ERMP1: variants seen among roughly 807,000 people sequenced by gnomAD.
The protein encoded by ERMP1 is Felix-ina.
Under a neutral mutation model 92.0 loss-of-function variants are expected in ERMP1, and 86 were observed. The ratio of observed to expected loss-of-function variants is 0.93; its 90% CI spans 0.79 to 1.12. ERMP1 has a LOEUF of 1.12. Ranked by LOEUF, ERMP1 falls within the 50% of genes most tolerant of loss-of-function variation. The pLI is 0.00. For synonymous variants in ERMP1, 530 were observed against 412.8 expected (o/e 1.28, Z -3.44); for missense variants, 1,342 against 1,116.3 (o/e 1.20, Z -2.88).
intron 2 of ERMP1, among the ~76,000 whole-genome samples, chr9:5,830,148 G>T (rs188318290): frequency 6.6e-6 from 1 of 152,268 alleles, no homozygotes; most frequent in Admixed American, 6.5e-5. Flanking sequence ...GGACAGCTTT[G>T]AATGCAGCCC....
At chr9:5,833,668 T>G (rs1186072134), upstream of ERMP1, among the ~76,000 whole-genome samples, 2 of 152,242 alleles carry the variant, frequency 1.3e-5, no homozygotes, top group African/African-American at 4.8e-5. Context: ...CATCATCTTA[T>G]TTAATTATCT....
chr9:5,832,902 C>G lies in ERMP1; in HGVS notation c.126G>C (p.Gly42=). The stretch of plus-strand genomic sequence containing the variant: ...TCCGCGTCCTCCCGCCGCCGCTGCA[C>G]CCATCCACCAGAGGCTCCTGCGCTC... ...EARAQEPLVD[G]CSGGGRTRKR... Residue 42 remains glycine (G), a synonymous_variant, in exon 1 of 15, where the codon GGG becomes GGC. Transcript: ENST00000339450. 1.0e-5 allele frequency: 16 copies of G among 1,558,638 alleles called. No individual in the cohort carries two copies. The highest frequency in any genetic ancestry group is 1.4e-5 in the African/African-American group (1 of 70,820).
At chr9:5,841,902 T>C (rs1284128104) in intron 6 of ERMP1, among the ~76,000 whole-genome samples, 1 of 152,166 alleles carries the variant, frequency 6.6e-6, no homozygotes, top group Non-Finnish European at 1.5e-5. Context: ...CTCACTTGAC[T>C]TCAGGAGTGA....
intron 2 of ERMP1, among the ~76,000 whole-genome samples, chr9:5,827,814 C>CAA (rs1046747288): frequency 1.6e-5 from 2 of 121,854 alleles, no homozygotes; most frequent in South Asian, 2.5e-4. Flanking sequence ...GACTCCGTCT[C>CAA]AAAAAAAAAA....
intron 7 of ERMP1, among the ~76,000 whole-genome samples, chr9:5,810,692 CA>C (rs1829058429): frequency 6.6e-6 from 1 of 151,980 alleles, no homozygotes; most frequent in Admixed American, 6.6e-5. Context: ...TATCTCGTAA[CA>C]GCACACAACA....
At chr9:5,839,460 T>A (rs1830131628) in intron 6 of ERMP1, among the ~76,000 whole-genome samples, 1 of 152,156 alleles carries the variant, frequency 6.6e-6, no homozygotes, top group African/African-American at 2.4e-5. Flanking sequence ...GCAGGTGAGT[T>A]AGGACACAGG....
intron 2 of ERMP1, among the ~76,000 whole-genome samples, chr9:5,828,770 G>C (rs1260792315): frequency 6.6e-6 from 1 of 152,160 alleles, no homozygotes; most frequent in Non-Finnish European, 1.5e-5. Flanking sequence ...TAAGAACTAT[G>C]AAGGGTAGAG....
Position 5,866,212 on chromosome 9 carries a change from G to A in ERMP1, n.3055+1590C>T, listed in dbSNP as rs143256458. 2.0e-5 allele frequency among the ~76,000 whole-genome samples: 3 copies of A among 152,278 alleles called. No homozygotes were observed. In the East Asian group the frequency reaches 5.8e-4, roughly 29 times the overall value. The stretch of plus-strand genomic sequence containing the variant: ...TCTTACACCAGTTTCCATTGGTGTT[G>A]GGACTATATTGTTTGTAGAACTATT... On this transcript the variant is annotated intron_variant and non_coding_transcript_variant, in intron 5 of 6. Coordinates refer to the ERMP1 transcript ENST00000690753.
At chr9:5,845,117 T>C (rs1012249550) in intron 6 of ERMP1, among the ~76,000 whole-genome samples, 46 of 148,712 alleles carry the variant, frequency 3.1e-4, no homozygotes, top group Admixed American at 1.1e-3. Context: ...GTGTTTTGTT[T>C]TTGTTTCCAT....
At chr9:5,800,385 C>A (rs1222083523) in intron 11 of ERMP1, among the ~76,000 whole-genome samples, 1 of 152,006 alleles carries the variant, frequency 6.6e-6, no homozygotes, top group East Asian at 1.9e-4. Flanking sequence ...AAAATAAGTC[C>A]TCAAACTGGC....
intron 5 of ERMP1, among the ~76,000 whole-genome samples, chr9:5,861,898 C>G (rs1199159529): frequency 6.6e-6 from 1 of 151,832 alleles, no homozygotes; most frequent in Non-Finnish European, 1.5e-5. Context: ...AGTGTAGTCC[C>G]TCCTGTTACC....
chr9:5,797,976 G>T, intron 12 of ERMP1, 44 bp from the exon 13 acceptor site: 1 of 1,179,206 alleles, frequency 8.5e-7, no homozygotes, highest in Non-Finnish European at 1.3e-6. Flanking sequence ...TTTATTATTT[G>T]ATGGCTATCT....
At chr9:5,830,041 A>C (rs1829879539) in intron 2 of ERMP1, among the ~76,000 whole-genome samples, 2 of 152,238 alleles carry the variant, frequency 1.3e-5, no homozygotes, top group Non-Finnish European at 2.9e-5. Flanking sequence ...CACATTAATT[A>C]GGTACTTTAA....
intron 6 of ERMP1, among the ~76,000 whole-genome samples, chr9:5,857,494 G>A (rs1830392905): frequency 6.6e-6 from 1 of 152,222 alleles, no homozygotes; most frequent in Non-Finnish European, 1.5e-5. Context: ...ATAGATTTTA[G>A]TGAGTAGACG....
At chr9:5,860,493 G>C (rs1389155675) in intron 5 of ERMP1, among the ~76,000 whole-genome samples, 1 of 152,102 alleles carries the variant, frequency 6.6e-6, no homozygotes, top group African/African-American at 2.4e-5. Flanking sequence ...ATGAAGCTCA[G>C]AGCCATAACG....
At chr9:5,855,989 C>A in intron 6 of ERMP1, 1 of 306,148 alleles carries the variant, frequency 3.3e-6, no homozygotes, top group Non-Finnish European at 6.6e-6. Flanking sequence ...TAATGGTTCT[C>A]CAGAGATGTC....
upstream of ERMP1, among the ~76,000 whole-genome samples, chr9:5,835,980 T>C (rs1332583328): frequency 6.6e-6 from 1 of 152,112 alleles, no homozygotes; most frequent in African/African-American, 2.4e-5. Context: ...ATGTGAAAGG[T>C]TGTGGCTGCC....
chr9:5,804,644 G>C (rs1210048626), intron 10 of ERMP1, among the ~76,000 whole-genome samples: 1 of 152,100 alleles, frequency 6.6e-6, no homozygotes. Context: ...AACCACCCAT[G>C]TATCTATTAA....
At chr9:5,833,169 C>G (rs971789860), upstream of ERMP1, 2 of 766,558 alleles carry the variant, frequency 2.6e-6, no homozygotes, top group African/African-American at 3.7e-5. Flanking sequence ...TTGGCCCGTC[C>G]CGCCGCGCCA....
Sources: allele counts gnomAD v4.1 joint callset (sites outside exome capture counted in the v4.1 genomes callset), GRCh38; gene constraint gnomAD v4.1.1; transcripts MANE v1.5; gene names NCBI Gene and HGNC (gene_info 2026-07-23, HGNC 2026-07-21).